SIK3: variants seen among roughly 807,000 people sequenced by gnomAD.
The protein encoded by SIK3 is SIK family kinase 3.
SIK3 carries 28 observed loss-of-function variants against 144.2 expected under a neutral mutation model. That is an observed-to-expected ratio of 0.19 (90% CI 0.14 to 0.27). The LOEUF (loss-of-function observed/expected upper bound fraction) is 0.27. SIK3 is among the 10% of genes least tolerant of loss of function. SIK3 has a pLI of 1.00. For missense variants in SIK3, 1,319 were observed against 1,776.0 expected, an observed-to-expected ratio of 0.74 and a Z score of 4.62; for synonymous variants, 686 against 676.3, an observed-to-expected ratio of 1.01 and a Z score of -0.22.
intron 3 of SIK3, among the ~76,000 whole-genome samples, chr11:116,944,391 C>A (rs1948469895): frequency 6.6e-6 from 1 of 152,140 alleles, no homozygotes; most frequent in African/African-American, 2.4e-5. Flanking sequence ...GTTGGCTGCA[C>A]AACAGCGTGA....
At chr11:116,978,833 T>C (rs1000081402) in intron 1 of SIK3, among the ~76,000 whole-genome samples, 1 of 152,092 alleles carries the variant, frequency 6.6e-6, no homozygotes, top group Non-Finnish European at 1.5e-5. Context: ...TAACTGCCTT[T>C]TTTGATCCCC....
At chr11:116,871,559 C>T (rs1379123831) in intron 13 of SIK3, among the ~76,000 whole-genome samples, 1 of 152,188 alleles carries the variant, frequency 6.6e-6, no homozygotes, top group Non-Finnish European at 1.5e-5. Flanking sequence ...AGCCAGCTTA[C>T]TCTAGCTGCA....
At chr11:116,905,409 A>G (rs1945973936) in intron 4 of SIK3, among the ~76,000 whole-genome samples, 1 of 152,220 alleles carries the variant, frequency 6.6e-6, no homozygotes, top group Non-Finnish European at 1.5e-5. Context: ...TAATGCTGCT[A>G]TGAACATTTA....
chr11:116,954,754 A>G (rs1949077325), intron 2 of SIK3, among the ~76,000 whole-genome samples: 1 of 152,128 alleles, frequency 6.6e-6, no homozygotes, highest in Non-Finnish European at 1.5e-5. Context: ...TACATTTTCC[A>G]TCAAACATTT....
intron 4 of SIK3, among the ~76,000 whole-genome samples, chr11:116,920,282 C>T (rs1451142828): frequency 1.3e-5 from 2 of 151,968 alleles, no homozygotes; most frequent in Non-Finnish European, 2.9e-5. Context: ...CCTTTGCCAT[C>T]TCTCTCACCC....
intron 1 of SIK3, among the ~76,000 whole-genome samples, chr11:116,984,747 A>ATCCTTCTC (rs1207549287): frequency 6.6e-6 from 1 of 152,156 alleles, no homozygotes; most frequent in African/African-American, 2.4e-5. Context: ...TTCTGAGATC[A>ATCCTTCTC]TCCTTCTCTC....
Position 116,985,530 on chromosome 11 carries a change from G to A in SIK3, c.274-28466C>T, listed in dbSNP as rs146725667. ...TCTAGACATCAAAATGCTAGTCAGTGTAGAGGTACAGTATAATTCAATCTG... is the reference window on the plus strand; with the variant it reads ...TCTAGACATCAAAATGCTAGTCAGTATAGAGGTACAGTATAATTCAATCTG... On this transcript the variant is annotated intron_variant, in intron 1 of 24. Transcript: ENST00000445177. Among the ~76,000 whole-genome samples, 331 of 152,336 alleles carry A rather than the reference G, an allele frequency of 2.2e-3. 4 individuals are homozygous for A. In the East Asian group the frequency reaches 0.032, roughly 15 times the overall value.
At chr11:116,954,304 TA>T (rs1280672300) in intron 2 of SIK3, among the ~76,000 whole-genome samples, 197 bp from the exon 3 acceptor site, 2 of 152,232 alleles carry the variant, frequency 1.3e-5, no homozygotes, top group Non-Finnish European at 2.9e-5. Flanking sequence ...TCCAAGTTCT[TA>T]AAAGTAGGAA....
intron 1 of SIK3, among the ~76,000 whole-genome samples, chr11:116,981,891 C>T (rs1214011579): frequency 1.3e-5 from 2 of 152,064 alleles, no homozygotes; most frequent in Non-Finnish European, 2.9e-5. Context: ...TTTGATTCTC[C>T]CAGACACTGG....
chr11:117,005,997 G>T (rs1368769606), intron 1 of SIK3, among the ~76,000 whole-genome samples: 2 of 152,122 alleles, frequency 1.3e-5, no homozygotes, highest in African/African-American at 4.8e-5. Flanking sequence ...GTAAAGGGAG[G>T]GAAGGGAAGG....
Position 116,875,203 on chromosome 11 carries a change from C to A in SIK3, c.1382G>T (p.Arg461Leu), listed in dbSNP as rs1418199076. Residue 461 changes from arginine (R) to leucine (L), a missense_variant, in exon 11 of 25, where the codon CGC becomes CTC. This residue lies in a region of SIK3 where 167 missense variants were observed against 263.3 expected (regional missense o/e 0.63). Coordinates refer to ENST00000445177, the MANE Select transcript of SIK3 (RefSeq NM_001366686.3). Reference sequence around the variant, plus strand: ...TGTGTGCCTCCTCATTGACAAATAGCGCACCAATGCTTCAGGGGAAGGCTC... The same window carrying A: ...TGTGTGCCTCCTCATTGACAAATAGAGCACCAATGCTTCAGGGGAAGGCTC... ...GEEPSPEALV[R>L]YLSMRRHTVG... is the part of the protein sequence containing the mutation. The A allele has an allele frequency of 6.2e-7, 1 of 1,614,182 alleles. No individual in the cohort carries two copies. Among genetic ancestry groups the A allele is most frequent in the Non-Finnish European group, 8.5e-7 (1 of 1,180,034 alleles).
chr11:116,857,694 C>T, intron 21 of SIK3, 116 bp downstream of exon 21: 2 of 1,452,972 alleles, frequency 1.4e-6, no homozygotes, highest in Non-Finnish European at 1.8e-6. Context: ...GGTCGTGAAG[C>T]TCAGAAATTC....
intron 4 of SIK3, among the ~76,000 whole-genome samples, chr11:116,917,710 CAAGGAAGGAAAG>C (rs1946723377): frequency 7.1e-6 from 1 of 141,148 alleles, no homozygotes; most frequent in Admixed American, 7.4e-5. Flanking sequence ...GGGAGGGAGG[CAAGGAAGGAAAG>C]GAGGAAGGGA....
chr11:117,025,543 T>A (rs1338414231), intron 1 of SIK3, among the ~76,000 whole-genome samples: 1 of 151,534 alleles, frequency 6.6e-6, no homozygotes, highest in Non-Finnish European at 1.5e-5. Context: ...CCTCCCAGGC[T>A]CAAGCCTCTG....
chr11:116,963,806 T>G (rs1269760567), intron 1 of SIK3, among the ~76,000 whole-genome samples: 1 of 152,206 alleles, frequency 6.6e-6, no homozygotes, highest in Non-Finnish European at 1.5e-5. Flanking sequence ...AATGGCTGGC[T>G]AGAAAGGAAC....
At chr11:116,944,507 C>G (rs1411994002) in intron 3 of SIK3, among the ~76,000 whole-genome samples, 1 of 152,066 alleles carries the variant, frequency 6.6e-6, no homozygotes, top group Non-Finnish European at 1.5e-5. Context: ...AAAATAAAAA[C>G]ACTGAACACA....
At chr11:117,048,693 A>G (rs1953080321) in intron 1 of SIK3, among the ~76,000 whole-genome samples, 1 of 152,086 alleles carries the variant, frequency 6.6e-6, no homozygotes, top group South Asian at 2.1e-4. Context: ...TTATTAAACC[A>G]ACTTCTTTCT....
At chr11:116,852,541 G>A (rs539566265) in intron 21 of SIK3, among the ~76,000 whole-genome samples, 2 of 152,368 alleles carry the variant, frequency 1.3e-5, no homozygotes, top group African/African-American at 4.8e-5. Context: ...TTGCTTTGCT[G>A]GGTCTTAGTT....
rs1297606031 is a variant in SIK3, at chr11:116,863,687, C to G, written c.2084G>C (p.Ser695Thr). 6.2e-7 allele frequency: 1 copy of G among 1,614,036 alleles called. No homozygotes were observed. Among genetic ancestry groups the G allele is most frequent in the Non-Finnish European group, 8.5e-7 (1 of 1,180,032 alleles). ...CATTACCTGCTGCAGCTGTTTGATGCTGCTGTTGTTGCCCATTTTTTCCAG... is the reference window on the plus strand; with the variant it reads ...CATTACCTGCTGCAGCTGTTTGATGGTGCTGTTGTTGCCCATTTTTTCCAG... ...AHLEKMGNNS[S>T]IKQLQQECEQ... The change falls in exon 16 of 25, where the codon AGC (serine) becomes ACC (threonine). Residue 695 changes from serine (S) to threonine (T), a missense_variant. Physicochemically the swap from Ser to Thr is moderately conservative, Grantham distance 58. This residue lies in a region of SIK3 where 77 missense variants were observed against 141.9 expected (regional missense o/e 0.54). Transcript: ENST00000445177.
Sources: gnomAD v4.1 joint callset for allele counts (sites outside exome capture counted in the v4.1 genomes callset) on GRCh38, gnomAD v4.1.1 for gene constraint, gnomAD v4.1.1 regional missense constraint, MANE v1.5 for transcripts, NCBI Gene and HGNC (gene_info 2026-07-23, HGNC 2026-07-21) for gene names.